The following DKK2 variants were observed in gnomAD, a reference collection of about 807,000 sequenced individuals.
DKK2 encodes the protein dickkopf Wnt signaling pathway inhibitor 2, also known as dickkopf-related protein 2.
Under a neutral mutation model 28.1 loss-of-function variants are expected in DKK2, and 11 were observed. The ratio of observed to expected loss-of-function variants is 0.39; its 90% confidence interval spans 0.25 to 0.65. The LOEUF is 0.65. DKK2 is among the 30% of genes least tolerant of loss of function. DKK2 has a pLI of 0.47. For missense variants in DKK2, 326 were observed against 335.5 expected (o/e 0.97, Z 0.22); for synonymous variants, 135 against 126.5 (o/e 1.07, Z -0.45).
chr4:107,026,984 A>G (rs1723789902), intron 1 of DKK2, among the ~76,000 whole-genome samples: 1 of 152,204 alleles, frequency 6.6e-6, no homozygotes, highest in Non-Finnish European at 1.5e-5. Flanking sequence ...AAATGCTCAC[A>G]TTTATAAGTA....
intron 1 of DKK2, among the ~76,000 whole-genome samples, chr4:106,990,179 A>G (rs183697101): frequency 2.6e-5 from 4 of 152,310 alleles, no homozygotes; most frequent in Non-Finnish European, 1.5e-5. Context: ...ACTAATTAAT[A>G]AATTAATTTT....
chr4:107,010,730 G>T (rs1228834468), intron 1 of DKK2, among the ~76,000 whole-genome samples: 2 of 151,436 alleles, frequency 1.3e-5, no homozygotes, highest in African/African-American at 2.4e-5. Flanking sequence ...TAAGGAAATT[G>T]TTCTCAAGCT....
chr4:107,008,136 G>A (rs996187271), intron 1 of DKK2, among the ~76,000 whole-genome samples: 6 of 152,090 alleles, frequency 3.9e-5, no homozygotes, highest in African/African-American at 1.4e-4. Flanking sequence ...AACCCATGAA[G>A]GCCACGTAGG....
At chr4:106,933,307 G>T (rs1228282670) in intron 1 of DKK2, among the ~76,000 whole-genome samples, 2 of 152,198 alleles carry the variant, frequency 1.3e-5, no homozygotes, top group Non-Finnish European at 2.9e-5. Context: ...ATGGGTCTAA[G>T]TGAAGGATTA....
rs537023370 is a variant in DKK2 at position 106,925,196 on chromosome 4, C to T, written c.374-496G>A. On this transcript the variant is annotated intron_variant, in intron 2 of 3. Transcript: ENST00000285311. The stretch of plus-strand genomic sequence containing the variant: ...TCAGGAATAGGCATGAGAAAATGAG[C>T]CTGATTATGTTGTTTTATATGATTA... Among the ~76,000 whole-genome samples, 3 of 152,106 alleles carry T rather than the reference C, an allele frequency of 2.0e-5. No homozygotes were observed. The South Asian group carries it at 6.2e-4, about 32-fold the overall frequency.
intron 1 of DKK2, among the ~76,000 whole-genome samples, chr4:106,964,915 GGA>G (rs142890361): frequency 2.0e-5 from 3 of 150,094 alleles, no homozygotes; most frequent in South Asian, 2.1e-4. Context: ...ATGATAGATA[GGA>G]GAGAGAGAGA....
chr4:107,035,550 C>T lies in DKK2; in HGVS notation c.42G>A (p.Leu14=), dbSNP rs1366835938. ...CCATCAGCACCGCGGCCAGTAGGAG[C>T]AGGCAGCAGGACGAATCCTTGCTCC... is the stretch of plus-strand genomic sequence containing the variant. ...LMRSKDSSCC[L]LLLAAVLMVE... Residue 14 remains leucine, a synonymous_variant, in exon 1 of 4, where the codon CTG becomes CTA. Transcript: ENST00000285311. 2 of 1,614,216 alleles carry T rather than the reference C, an allele frequency of 1.2e-6. No homozygotes were observed. The highest frequency in any genetic ancestry group is 3.3e-5 in the Admixed American group (2 of 60,030).
chr4:107,028,928 C>T (rs971391425), intron 1 of DKK2, among the ~76,000 whole-genome samples: 1 of 152,048 alleles, frequency 6.6e-6, no homozygotes, highest in Non-Finnish European at 1.5e-5. Context: ...AGAGAATAAG[C>T]TTTATGCAAC....
intron 1 of DKK2, among the ~76,000 whole-genome samples, chr4:106,973,302 G>A (rs1722895918): frequency 6.6e-6 from 1 of 152,176 alleles, no homozygotes; most frequent in African/African-American, 2.4e-5. Flanking sequence ...GATCCTTGAG[G>A]AATCACCACA....
chr4:106,957,708 A>G (rs1395905483), intron 1 of DKK2, among the ~76,000 whole-genome samples: 1 of 134,750 alleles, frequency 7.4e-6, no homozygotes, highest in African/African-American at 2.8e-5. Context: ...AACAATGAGA[A>G]CACATGGACA....
chr4:106,988,773 C>T (rs1447947657), intron 1 of DKK2, among the ~76,000 whole-genome samples: 1 of 152,208 alleles, frequency 6.6e-6, no homozygotes, highest in African/African-American at 2.4e-5. Context: ...AAAGTAAGAA[C>T]AGGAGAAAGC....
At chr4:106,956,858 T>C (rs983787222) in intron 1 of DKK2, among the ~76,000 whole-genome samples, 10 of 150,762 alleles carry the variant, frequency 6.6e-5, no homozygotes, top group African/African-American at 1.7e-4. Flanking sequence ...ACTTCATGTC[T>C]AAAACACCAA....
Position 106,941,059 on chromosome 4 carries a change from G to A in DKK2, c.223-15110C>T, listed in dbSNP as rs185303219. 6.4e-4 allele frequency among the ~76,000 whole-genome samples: 97 copies of A among 152,058 alleles called. 1 individual carries two copies. The East Asian group carries it at 0.017, about 27-fold the overall frequency. On this transcript the variant is annotated intron_variant, in intron 1 of 3. Coordinates refer to ENST00000285311, the MANE Select transcript of DKK2 (RefSeq NM_014421.3). ...ACCAGCATGGCACATGTATACATAT[G>A]TAACTAACCTGCACAATGTGCACAT... is the stretch of plus-strand genomic sequence containing the variant.
At chr4:106,956,475 G>A (rs1450246618) in intron 1 of DKK2, among the ~76,000 whole-genome samples, 3 of 152,182 alleles carry the variant, frequency 2.0e-5, no homozygotes, top group African/African-American at 4.8e-5. Context: ...CAAAGCTGGA[G>A]GCATCACACT....
At chr4:106,983,560 T>C (rs1723066130) in intron 1 of DKK2, among the ~76,000 whole-genome samples, 1 of 152,128 alleles carries the variant, frequency 6.6e-6, no homozygotes, top group Admixed American at 6.5e-5. Flanking sequence ...AGAGATTTGA[T>C]ACCGAAAGCA....
intron 1 of DKK2, among the ~76,000 whole-genome samples, chr4:106,964,206 A>G (rs1722733405): frequency 6.6e-6 from 1 of 152,198 alleles, no homozygotes; most frequent in South Asian, 2.1e-4. Context: ...ATTGAAAACA[A>G]CATGGATGGA....
chr4:106,999,297 A>G (rs993756415), intron 1 of DKK2, among the ~76,000 whole-genome samples: 1 of 152,236 alleles, frequency 6.6e-6, no homozygotes, highest in Admixed American at 6.5e-5. Flanking sequence ...TAAAATCTGT[A>G]TAACATATAC....
At chr4:106,988,609 A>T (rs1472446875) in intron 1 of DKK2, among the ~76,000 whole-genome samples, 1 of 152,164 alleles carries the variant, frequency 6.6e-6, no homozygotes. Context: ...ATTTAAAAAA[A>T]TATTTTTATT....
chr4:106,958,831 C>T (rs1338759679), intron 1 of DKK2, among the ~76,000 whole-genome samples: 1 of 92,482 alleles, frequency 1.1e-5, no homozygotes, highest in African/African-American at 4.0e-5. Context: ...GAGTGAAACT[C>T]AATCTCAAAA....
Sources: allele counts gnomAD v4.1 joint callset (sites outside exome capture counted in the v4.1 genomes callset), GRCh38; gene constraint gnomAD v4.1.1; transcripts MANE v1.5; gene names NCBI Gene and HGNC (gene_info 2026-07-23, HGNC 2026-07-21).